SLC15A1: variants seen among roughly 807,000 people sequenced by gnomAD.
SLC15A1 encodes Caco-2 oligopeptide transporter.
In SLC15A1, 83 loss-of-function variants were observed where a neutral mutation model predicts 92.9. The ratio of observed to expected loss-of-function variants is 0.89; its 90% confidence interval spans 0.75 to 1.07. The LOEUF (loss-of-function observed/expected upper bound fraction) is 1.07, where lower values mean the gene tolerates loss of function less well. Ranked by LOEUF, SLC15A1 falls within the 50% of genes least tolerant of loss-of-function variation. The pLI is 0.00. For synonymous variants in SLC15A1, 322 were observed against 318.2 expected (o/e 1.01, Z -0.13); for missense variants, 857 against 880.1 (o/e 0.97, Z 0.33).
At chr13:98,712,345 A>G (rs1289394) in intron 10 of SLC15A1, among the ~76,000 whole-genome samples, 153 bp downstream of exon 10, 1 of 152,214 alleles carries the variant, frequency 6.6e-6, no homozygotes, top group African/African-American at 2.4e-5. Flanking sequence ...TCAATTAAAA[A>G]AATGCACTCA....
intron 6 of SLC15A1, 104 bp downstream of exon 6, chr13:98,721,700 G>T (rs752433227): frequency 8.4e-5 from 109 of 1,303,650 alleles, no homozygotes; most frequent in Non-Finnish European, 1.1e-4. Context: ...ACTTTCTAAT[G>T]TACTTAAAAA....
chr13:98,706,323 A>T, intron 15 of SLC15A1, 70 bp from the exon 16 acceptor site: 1 of 1,558,876 alleles, frequency 6.4e-7, no homozygotes, highest in South Asian at 1.2e-5. Flanking sequence ...TAACCCTGAC[A>T]AGGGGGTGCT....
At chr13:98,688,643 T>C (rs1467002163) in intron 18 of SLC15A1, 66 bp from the exon 19 acceptor site, 2 of 1,185,642 alleles carry the variant, frequency 1.7e-6, no homozygotes, top group South Asian at 1.3e-5. Flanking sequence ...TCACAGTACA[T>C]GCACCTGAAG....
rs752147683 is a variant in SLC15A1 at position 98,686,373 on chromosome 13, G to A, written c.1828-76C>T. On this transcript the variant is annotated intron_variant, in intron 21 of 22. Coordinates refer to ENST00000376503, the MANE Select transcript of SLC15A1 (RefSeq NM_005073.4). ...AGGAGAACACAGCTCACCGATGGGCGTTTCGTGAAGCAGATCACCCTAACA... is the reference window on the plus strand; with the variant it reads ...AGGAGAACACAGCTCACCGATGGGCATTTCGTGAAGCAGATCACCCTAACA... The A allele has an allele frequency of 3.6e-5, 35 of 970,360 alleles. No individual in the cohort carries two copies. In the Admixed American group the frequency reaches 3.8e-4, roughly 11 times the overall value. The allele number at this position is 970,360 out of a possible 1,614,324, so 60.1% of individuals were successfully genotyped here.
Position 98,726,381 on chromosome 13 carries a change from G to A in SLC15A1, c.90C>T (p.Tyr30=), listed in dbSNP as rs1594000545. 6.2e-7 allele frequency: 1 copy of A among 1,614,222 alleles called. No homozygotes were observed. The highest frequency in any genetic ancestry group is 2.2e-5 in the East Asian group (1 of 44,882). The part of the protein sequence containing the change: ...VVNEFCERFS[Y]YGMRAILILY... ...CAATACAGTTACCTCGCATTCCATA[G>A]TAGGAAAATCTTTCGCAAAACTCAT... Residue 30 remains tyrosine, a synonymous_variant, in exon 3 of 23, where the codon TAC becomes TAT. Coordinates refer to ENST00000376503, the MANE Select transcript of SLC15A1 (RefSeq NM_005073.4).
chr13:98,704,522 T>G, intron 16 of SLC15A1, 87 bp from the exon 17 acceptor site: 1 of 1,341,132 alleles, frequency 7.5e-7, no homozygotes, highest in Non-Finnish European at 1.0e-6. Context: ...TATCTGATAT[T>G]CTGCATTTCC....
chr13:98,698,704 T>C (rs1163816640), intron 18 of SLC15A1, among the ~76,000 whole-genome samples: 1 of 152,258 alleles, frequency 6.6e-6, no homozygotes, highest in East Asian at 1.9e-4. Flanking sequence ...CCCAAAGTGC[T>C]GGGATTACAG....
chr13:98,731,155 C>A (rs528726468), intron 1 of SLC15A1, among the ~76,000 whole-genome samples: 2 of 152,292 alleles, frequency 1.3e-5, no homozygotes, highest in East Asian at 3.9e-4. Context: ...GCCACACTAC[C>A]ATTTGTTGTG....
intron 1 of SLC15A1, among the ~76,000 whole-genome samples, chr13:98,741,966 A>G (rs2088451795): frequency 6.6e-6 from 1 of 152,206 alleles, no homozygotes; most frequent in East Asian, 1.9e-4. Context: ...ACTGGTGCTG[A>G]AGGGAGACTG....
chr13:98,736,537 C>T lies in SLC15A1; in HGVS notation c.5-9678G>A, dbSNP rs150741107. On this transcript the variant is annotated intron_variant, in intron 1 of 22. Transcript: ENST00000376503. ...GCTCCTGCACAGCAAAAGAAACTGC[C>T]ATCGGAGTGAACAGGTAACCAACAG... Among the ~76,000 whole-genome samples the T allele has an allele frequency of 5.0e-3, 759 of 152,252 alleles. 20 individuals carry two copies. The highest frequency in any genetic ancestry group is 0.015 in the East Asian group (76 of 5,188).
At chr13:98,691,267 G>T (rs1050782201) in intron 18 of SLC15A1, among the ~76,000 whole-genome samples, 1 of 152,038 alleles carries the variant, frequency 6.6e-6, no homozygotes, top group Admixed American at 6.6e-5. Context: ...TCAATCTCCT[G>T]ACCTCATGAC....
chr13:98,693,364 C>T (rs2087997747), intron 18 of SLC15A1, among the ~76,000 whole-genome samples: 1 of 152,154 alleles, frequency 6.6e-6, no homozygotes, highest in Non-Finnish European at 1.5e-5. Flanking sequence ...TCCCAAAGTG[C>T]TGGGATTACA....
intron 1 of SLC15A1, among the ~76,000 whole-genome samples, chr13:98,738,002 T>C (rs1419526910): frequency 6.6e-6 from 1 of 152,232 alleles, no homozygotes; most frequent in South Asian, 2.1e-4. Flanking sequence ...TGTTATGTCT[T>C]AGCAAAGAAC....
chr13:98,722,020 A>G lies in SLC15A1; in HGVS notation c.366-117T>C, dbSNP rs1259664979. 1.5e-4 allele frequency: 116 copies of G among 750,374 alleles called. 2 individuals carry two copies. The East Asian group carries it at 3.0e-3, about 20-fold the overall frequency. 46.5% of individuals were successfully genotyped at this position (750,374 alleles called of 1,614,324 possible). ...AGTGACACACATAGAGAAGAAGACA[A>G]TCTCGCGAGAAGCCAGCTCACAGGA... On this transcript the variant is annotated intron_variant, in intron 5 of 22. Coordinates refer to ENST00000376503, the MANE Select transcript of SLC15A1 (RefSeq NM_005073.4).
intron 2 of SLC15A1, 36 bp from the exon 3 acceptor site, chr13:98,726,485 A>AC (rs150467512): frequency 5.1e-6 from 8 of 1,579,230 alleles, no homozygotes; most frequent in East Asian, 2.3e-5. Context: ...ATTGAAATAC[A>AC]CCCCCCACTG....
In SLC15A1 at chr13:98,709,877, G is replaced by C. The variant is rs772395138; in HGVS notation, c.935C>G (p.Ser312Cys). 1.9e-6 allele frequency: 3 copies of C among 1,614,182 alleles called. No homozygotes were observed. Among genetic ancestry groups the C allele is most frequent in the Non-Finnish European group, 2.5e-6 (3 of 1,180,022 alleles). ...AGGAGTCAAACTTACGATTTTCCCGGACATAGTTGTTGCCTGCAGTGTCCA... is the reference window on the plus strand; with the variant it reads ...AGGAGTCAAACTTACGATTTTCCCGCACATAGTTGTTGCCTGCAGTGTCCA... ...SRWTLQATTM[S>C]GKIGALEIQP... Residue 312 changes from serine to cysteine, a missense_variant, in exon 12 of 23, where the codon TCC (serine) becomes TGC (cysteine). By Grantham distance (112) the Ser-to-Cys change is moderately radical. Coordinates refer to ENST00000376503, the MANE Select transcript of SLC15A1 (RefSeq NM_005073.4).
At chr13:98,722,743 G>T (rs80328972) in intron 5 of SLC15A1, among the ~76,000 whole-genome samples, 4 of 152,030 alleles carry the variant, frequency 2.6e-5, no homozygotes, top group Non-Finnish European at 5.9e-5. Context: ...AATCTTGTCT[G>T]CCTCTTAATA....
Position 98,688,375 on chromosome 13 carries a change from A to G in SLC15A1, c.1575-19T>C, listed in dbSNP as rs745867833. 36 of 1,608,186 alleles carry G rather than the reference A, an allele frequency of 2.2e-5. No individual in the cohort carries two copies. Among genetic ancestry groups the G allele is most frequent in the Non-Finnish European group, 2.7e-5 (32 of 1,175,638 alleles). On this transcript the variant is annotated intron_variant, in intron 19 of 22. Coordinates refer to ENST00000376503, the MANE Select transcript of SLC15A1 (RefSeq NM_005073.4). ...GCCTTTTCTATCAAAATAAAGAATA[A>G]TATTGGTTAACATTCTTGGCATTAA... is the stretch of plus-strand genomic sequence containing the variant.
chr13:98,731,987 T>C (rs1268773573), intron 1 of SLC15A1, among the ~76,000 whole-genome samples: 1 of 152,204 alleles, frequency 6.6e-6, no homozygotes, highest in Non-Finnish European at 1.5e-5. Context: ...GTTGCTAAAC[T>C]CTTTGACAGA....
Sources: gnomAD v4.1 joint callset for allele counts (sites outside exome capture counted in the v4.1 genomes callset) on GRCh38, gnomAD v4.1.1 for gene constraint, MANE v1.5 for transcripts, NCBI Gene and HGNC (gene_info 2026-07-23, HGNC 2026-07-21) for gene names.